Variants in ABCC1 observed in about 807,000 individuals in gnomAD.
ABCC1 encodes the protein ATP binding cassette subfamily C member 1 (ABCC1 blood group).
ABCC1 carries 83 observed loss-of-function variants against 172.9 expected under a neutral mutation model. The ratio of observed to expected loss-of-function variants is 0.48; its 90% CI spans 0.40 to 0.58. The LOEUF (loss-of-function observed/expected upper bound fraction) is 0.58, where lower values mean the gene tolerates loss of function less well. Ranked by LOEUF, ABCC1 falls within the 20% of genes least tolerant of loss-of-function variation. The probability of loss-of-function intolerance (pLI) is 0.00; values close to 1 mark genes in which losing one functional copy is unlikely to be tolerated. For synonymous variants in ABCC1, 937 were observed against 825.2 expected (o/e 1.14, Z -2.32); for missense variants, 1,817 against 2,002.7 (o/e 0.91, Z 1.77).
intron 13 of ABCC1, among the ~76,000 whole-genome samples, chr16:16,068,775 T>A (rs973253533): frequency 3.6e-4 from 55 of 151,176 alleles, no homozygotes; most frequent in Admixed American, 3.6e-3. Flanking sequence ...TCACCTGAGG[T>A]CAAGAGTTCG....
At chr16:16,090,772 A>G (rs958117867) in intron 19 of ABCC1, among the ~76,000 whole-genome samples, 184 bp downstream of exon 19, 1 of 151,808 alleles carries the variant, frequency 6.6e-6, no homozygotes, top group African/African-American at 2.4e-5. Context: ...GCAGCGCTGA[A>G]CTGGGAGAGA....
In ABCC1 at chr16:16,006,838, T is replaced by C. The variant is rs909831241; in HGVS notation, c.49-978T>C. Among the ~76,000 whole-genome samples, 289 of 150,180 alleles carry C rather than the reference T, an allele frequency of 1.9e-3. 3 individuals carry two copies. Among genetic ancestry groups the C allele is most frequent in the East Asian group, 7.5e-3 (37 of 4,936 alleles). On this transcript the variant is annotated intron_variant, in intron 1 of 30. Transcript: ENST00000399410. ...GCATACAGAACTGCAGTTTGGTTGT[T>C]ATCCGTGGTGGTGGCGGTGGCGGTG...
chr16:15,965,684 C>T (rs920205405), intron 1 of ABCC1, among the ~76,000 whole-genome samples: 4 of 152,044 alleles, frequency 2.6e-5, no homozygotes, highest in Non-Finnish European at 4.4e-5. Context: ...GTGACCTCTG[C>T]CTCCTGGGTT....
At chr16:15,958,964 C>A (rs1259283337) in intron 1 of ABCC1, among the ~76,000 whole-genome samples, 1 of 152,186 alleles carries the variant, frequency 6.6e-6, no homozygotes, top group Non-Finnish European at 1.5e-5. Flanking sequence ...AGCACCTCCT[C>A]TTGTTGTGAC....
At chr16:16,005,737 A>C (rs1285644238) in intron 1 of ABCC1, among the ~76,000 whole-genome samples, 1 of 152,176 alleles carries the variant, frequency 6.6e-6, no homozygotes, top group Non-Finnish European at 1.5e-5. Flanking sequence ...TTGGCAGATC[A>C]CCTGAGGTTT....
rs1444719950 is a variant in ABCC1, at chr16:16,044,602, T to G, written c.962T>G (p.Phe321Cys). Residue 321 changes from phenylalanine (F) to cysteine (C), a missense_variant, in exon 8 of 31, where the codon TTT (phenylalanine) becomes TGT (cysteine). Phe to Cys is a radical substitution (Grantham distance 205, BLOSUM62 -2). Transcript: ENST00000399410. ...PSLFKVLYKT[F>C]GPYFLMSFFF... ...CTGTTTAAGGTGTTATACAAGACCTTTGGGCCCTACTTCCTCATGAGCTTC... is the reference window on the plus strand; with the variant it reads ...CTGTTTAAGGTGTTATACAAGACCTGTGGGCCCTACTTCCTCATGAGCTTC... 1 of 1,614,032 alleles carries G rather than the reference T, an allele frequency of 6.2e-7. No individual in the cohort carries two copies. Among genetic ancestry groups the G allele is most frequent in the Non-Finnish European group, 8.5e-7 (1 of 1,180,028 alleles).
chr16:15,960,942 C>T (rs777594748), intron 1 of ABCC1, among the ~76,000 whole-genome samples: 24 of 151,118 alleles, frequency 1.6e-4, no homozygotes, highest in Non-Finnish European at 3.1e-4. Flanking sequence ...TAGAACAATG[C>T]ATGGTCCCTG....
At chr16:16,086,192 T>C (rs969690430) in intron 17 of ABCC1, among the ~76,000 whole-genome samples, 1 of 152,224 alleles carries the variant, frequency 6.6e-6, no homozygotes, top group African/African-American at 2.4e-5. Context: ...AGCCATCCTT[T>C]GCTGAGCACT....
intron 10 of ABCC1, among the ~76,000 whole-genome samples, chr16:16,051,467 C>T (rs994777123): frequency 6.6e-6 from 1 of 152,086 alleles, no homozygotes; most frequent in Non-Finnish European, 1.5e-5. Flanking sequence ...GTCACTGCAC[C>T]TGGCCACAAG....
At chr16:15,967,595 A>AATT (rs1174648054) in intron 1 of ABCC1, among the ~76,000 whole-genome samples, 2 of 148,322 alleles carry the variant, frequency 1.3e-5, no homozygotes, top group East Asian at 2.0e-4. Flanking sequence ...TAATAATAAT[A>AATT]ATTATTATTA....
chr16:15,991,479 C>T (rs1240710460), intron 1 of ABCC1, among the ~76,000 whole-genome samples: 1 of 152,118 alleles, frequency 6.6e-6, no homozygotes, highest in Non-Finnish European at 1.5e-5. Flanking sequence ...TGAAGTTCCG[C>T]AAGGATGGCA....
chr16:15,989,342 TC>T (rs1443495034), intron 1 of ABCC1, among the ~76,000 whole-genome samples: 1 of 152,130 alleles, frequency 6.6e-6, no homozygotes, highest in African/African-American at 2.4e-5. Flanking sequence ...TCAGCCGCCT[TC>T]CTCTCACCTC....
chr16:16,141,465 T>C lies in ABCC1; in HGVS notation c.*184T>C, dbSNP rs2046123676. On this transcript the variant is annotated 3_prime_UTR_variant, in exon 31 of 31. Coordinates refer to ENST00000399410, the MANE Select transcript of ABCC1 (RefSeq NM_004996.4). ...ATCCGGTCCCCTGCCTGGAACTGGC[T>C]GTGAAGACCCAGGAGAGACAGAGAT... is the stretch of plus-strand genomic sequence containing the variant. The C allele has an allele frequency of 3.3e-6, 2 of 604,928 alleles. No homozygotes were observed. Among genetic ancestry groups the C allele is most frequent in the Admixed American group, 2.9e-5 (1 of 33,912 alleles). The allele number at this position is 604,928 out of a possible 1,614,324, so 37.5% of individuals were successfully genotyped here.
At chr16:16,080,806 G>T (rs1032737418) in intron 16 of ABCC1, among the ~76,000 whole-genome samples, 1 of 152,152 alleles carries the variant, frequency 6.6e-6, no homozygotes, top group Non-Finnish European at 1.5e-5. Flanking sequence ...TTTAGTGTCT[G>T]TGCAACTGCA....
chr16:16,139,388 G>A (rs567138493), intron 30 of ABCC1, among the ~76,000 whole-genome samples: 86 of 152,200 alleles, frequency 5.7e-4, no homozygotes, highest in Non-Finnish European at 1.1e-3. Flanking sequence ...GAGGCAGGCA[G>A]ATCACCTGAG....
chr16:16,131,985 G>A (rs1421653430), intron 27 of ABCC1, 50 bp downstream of exon 27: 1 of 1,588,190 alleles, frequency 6.3e-7, no homozygotes, highest in Non-Finnish European at 8.6e-7. Context: ...CGGGCACAGG[G>A]TGCCATCGGG....
intron 30 of ABCC1, among the ~76,000 whole-genome samples, chr16:16,138,948 G>A (rs2046023422): frequency 6.6e-6 from 1 of 152,318 alleles, no homozygotes; most frequent in Admixed American, 6.5e-5. Context: ...GACCTCAGGC[G>A]ATCTGCCCGC....
intron 10 of ABCC1, among the ~76,000 whole-genome samples, chr16:16,051,029 T>C (rs1261143266): frequency 6.6e-6 from 1 of 152,224 alleles, no homozygotes; most frequent in Non-Finnish European, 1.5e-5. Context: ...GCCTTCAGGA[T>C]TGGTTTATGA....
chr16:16,039,280 T>G (rs2048884265), intron 7 of ABCC1, among the ~76,000 whole-genome samples: 1 of 147,958 alleles, frequency 6.8e-6, no homozygotes, highest in South Asian at 2.2e-4. Context: ...TTTTTTTTTT[T>G]TTTTTGAGAT....
Sources: gnomAD v4.1 joint callset for allele counts (sites outside exome capture counted in the v4.1 genomes callset) on GRCh38, gnomAD v4.1.1 for gene constraint, MANE v1.5 for transcripts, NCBI Gene and HGNC (gene_info 2026-07-23, HGNC 2026-07-21) for gene names.